The following CBLB variants were observed in gnomAD, a reference collection of about 807,000 sequenced individuals.
CBLB encodes the protein E3 ubiquitin-protein ligase CBL-B.
In CBLB, 31 loss-of-function variants were observed where a neutral mutation model predicts 104.9. The observed-to-expected ratio is 0.30, with a 90% CI of 0.22 to 0.40. The LOEUF is 0.40. CBLB is among the 10% of genes least tolerant of loss of function. The pLI, the probability that CBLB is intolerant of heterozygous loss-of-function variation, is 1.00. For synonymous variants in CBLB, 440 were observed against 422.6 expected (o/e 1.04, Z -0.51); for missense variants, 1,062 against 1,214.6 (o/e 0.87, Z 1.87).
At chr3:105,747,563 GAATAAT>G (rs946589860) in intron 5 of CBLB, among the ~76,000 whole-genome samples, 3 of 152,066 alleles carry the variant, frequency 2.0e-5, no homozygotes, top group Non-Finnish European at 4.4e-5. Context: ...GCGCTCTAGA[GAATAAT>G]AATATGAGAG....
chr3:105,858,595 A>G (rs1008053479), intron 2 of CBLB, among the ~76,000 whole-genome samples: 5 of 152,220 alleles, frequency 3.3e-5, no homozygotes, highest in African/African-American at 1.2e-4. Flanking sequence ...TTGGTGCATA[A>G]AAGAATTGGT....
At position 105,828,096 on chromosome 3, in the gene CBLB, C is replaced by T. The variant is rs189306284; in HGVS notation, c.419+25318G>A. On this transcript the variant is annotated intron_variant, in intron 3 of 18. Transcript: ENST00000394030. ...TCCTTCTCCCATCCCTGTTCCATCA[C>T]CCTCCTTCACATGGTTGAGATGACT... Among the ~76,000 whole-genome samples the T allele has an allele frequency of 2.3e-4, 35 of 152,294 alleles. No homozygotes were observed. In the East Asian group the frequency reaches 6.8e-3, roughly 29 times the overall value.
At chr3:105,749,990 T>C (rs1372468786) in intron 5 of CBLB, among the ~76,000 whole-genome samples, 2 of 151,992 alleles carry the variant, frequency 1.3e-5, no homozygotes, top group Admixed American at 1.3e-4. Context: ...TATGATTCTG[T>C]AATTGTAATG....
chr3:105,869,125 G>A (rs1706737396), upstream of CBLB: 10 of 819,626 alleles, frequency 1.2e-5, no homozygotes, highest in African/African-American at 1.9e-5. Flanking sequence ...GACAGCGGGT[G>A]CAGCCAATGG....
intron 12 of CBLB, among the ~76,000 whole-genome samples, chr3:105,697,863 T>C (rs576439648): frequency 3.3e-5 from 5 of 152,176 alleles, no homozygotes; most frequent in Admixed American, 3.3e-4. Flanking sequence ...GGGTATAATG[T>C]TAATATCTAG....
At chr3:105,749,503 T>C (rs1293064751) in intron 5 of CBLB, 1 of 153,170 alleles carries the variant, frequency 6.5e-6, no homozygotes, top group African/African-American at 2.4e-5. Flanking sequence ...GCAGTTTAGG[T>C]AATCGTTTAA....
intron 5 of CBLB, among the ~76,000 whole-genome samples, chr3:105,749,417 C>A (rs1303686445): frequency 2.0e-5 from 3 of 152,074 alleles, no homozygotes; most frequent in Non-Finnish European, 4.4e-5. Context: ...GATATATATT[C>A]CTTAGAGTAT....
chr3:105,670,474 C>A, intron 17 of CBLB, 122 bp from the exon 18 acceptor site: 1 of 818,248 alleles, frequency 1.2e-6, no homozygotes. Context: ...AAATTAAATT[C>A]ATGACTGATA....
intron 13 of CBLB, among the ~76,000 whole-genome samples, chr3:105,688,349 C>G (rs3772538): frequency 6.6e-6 from 1 of 151,986 alleles, no homozygotes; most frequent in East Asian, 1.9e-4. Context: ...CCACCCCCCC[C>G]ACAACCTGGA....
At chr3:105,775,264 T>C (rs1019697044) in intron 4 of CBLB, among the ~76,000 whole-genome samples, 2 of 152,112 alleles carry the variant, frequency 1.3e-5, no homozygotes, top group Non-Finnish European at 2.9e-5. Context: ...ATATTTTGGA[T>C]GCCAAAAAAA....
At chr3:105,672,691 A>G (rs541349311) in intron 17 of CBLB, 2 of 152,346 alleles carry the variant, frequency 1.3e-5, no homozygotes, top group South Asian at 4.1e-4. Flanking sequence ...ACATACAGAG[A>G]CTAATCTGTT....
chr3:105,688,155 G>C (rs2067232623), intron 13 of CBLB, among the ~76,000 whole-genome samples: 1 of 151,998 alleles, frequency 6.6e-6, no homozygotes, highest in Non-Finnish European at 1.5e-5. Context: ...TAGGATACCA[G>C]AGGAATAAAG....
intron 12 of CBLB, among the ~76,000 whole-genome samples, chr3:105,701,317 G>C (rs1414861544): frequency 1.3e-5 from 2 of 152,148 alleles, no homozygotes; most frequent in Admixed American, 1.3e-4. Flanking sequence ...AGTAAACTTG[G>C]TTTAGTGTTT....
At chr3:105,792,802 T>C (rs1331202264) in intron 3 of CBLB, among the ~76,000 whole-genome samples, 1 of 151,944 alleles carries the variant, frequency 6.6e-6, no homozygotes, top group Non-Finnish European at 1.5e-5. Context: ...CCCTCAATAA[T>C]CTCCATCAAT....
rs116283576 is a variant in CBLB at position 105,814,225 on chromosome 3, C to T, written c.420-37683G>A. On this transcript the variant is annotated intron_variant, in intron 3 of 18. Coordinates refer to ENST00000394030, the MANE Select transcript of CBLB (RefSeq NM_170662.5). ...AGCTTTTGTGTGCTTTATGTTTATA[C>T]GTGCATCAGAGATAAGAAAAACAAA... Among the ~76,000 whole-genome samples the T allele has an allele frequency of 1.1e-3, 174 of 152,160 alleles. 1 individual carries two copies. The highest frequency in any genetic ancestry group is 7.7e-3 in the South Asian group (37 of 4,824).
chr3:105,723,943 T>C (rs1295584403), intron 9 of CBLB: 2 of 155,584 alleles, frequency 1.3e-5, no homozygotes, highest in African/African-American at 4.8e-5. Flanking sequence ...AGTCTCATTT[T>C]GGAGTGCATT....
intron 17 of CBLB, among the ~76,000 whole-genome samples, chr3:105,677,126 T>C (rs1278723551): frequency 6.6e-6 from 1 of 152,138 alleles, no homozygotes; most frequent in Non-Finnish European, 1.5e-5. Flanking sequence ...AGTGCTTTCA[T>C]TGGCAGAATC....
At chr3:105,838,810 T>G (rs887937025) in intron 3 of CBLB, among the ~76,000 whole-genome samples, 3 of 152,104 alleles carry the variant, frequency 2.0e-5, no homozygotes, top group Non-Finnish European at 2.9e-5. Flanking sequence ...CAGCTAATTT[T>G]TGCATTTTTA....
At chr3:105,803,540 C>T (rs2083144066) in intron 3 of CBLB, among the ~76,000 whole-genome samples, 1 of 152,170 alleles carries the variant, frequency 6.6e-6, no homozygotes. Flanking sequence ...TTCCACCATT[C>T]TCAAGTCGAA....
Sources: allele counts gnomAD v4.1 joint callset (sites outside exome capture counted in the v4.1 genomes callset), GRCh38; gene constraint gnomAD v4.1.1; transcripts MANE v1.5; gene names NCBI Gene and HGNC (gene_info 2026-07-23, HGNC 2026-07-21).